HKDC1: variants seen among roughly 807,000 people sequenced by gnomAD.
HKDC1 encodes the protein hexokinase HKDC1.
Under a neutral mutation model 96.6 loss-of-function variants are expected in HKDC1, and 66 were observed. That is an observed-to-expected ratio of 0.68 (90% confidence interval 0.56 to 0.84). The LOEUF (loss-of-function observed/expected upper bound fraction) is 0.84, where lower values mean the gene tolerates loss of function less well. HKDC1 is among the 40% of genes least tolerant of loss of function. The pLI is 0.00. For missense variants in HKDC1, 1,211 were observed against 1,208.1 expected, an observed-to-expected ratio of 1.00 and a Z score of -0.04; for synonymous variants, 466 against 473.1, an observed-to-expected ratio of 0.98 and a Z score of 0.20.
intron 5 of HKDC1, 69 bp from the exon 6 acceptor site, chr10:69,240,583 C>G (rs1843439546): frequency 7.6e-7 from 1 of 1,313,878 alleles, no homozygotes; most frequent in African/African-American, 1.4e-5. Context: ...CCTGCTGCCT[C>G]TGTGGGGAAG....
intron 4 of HKDC1, among the ~76,000 whole-genome samples, chr10:69,234,613 C>T (rs1843333769): frequency 6.6e-6 from 1 of 152,218 alleles, no homozygotes; most frequent in Non-Finnish European, 1.5e-5. Flanking sequence ...TGAGGTGAAG[C>T]TTAGGCAAAG....
At chr10:69,263,211 C>T (rs531873987) in intron 16 of HKDC1, among the ~76,000 whole-genome samples, 1 of 152,230 alleles carries the variant, frequency 6.6e-6, no homozygotes, top group East Asian at 1.9e-4. Context: ...CTCCCCTGCT[C>T]CCATTCCCTG....
intron 16 of HKDC1, among the ~76,000 whole-genome samples, chr10:69,263,273 A>AT (rs925988898): frequency 2.6e-5 from 4 of 151,966 alleles, no homozygotes; most frequent in African/African-American, 9.7e-5. Context: ...TAATTTTTGT[A>AT]TTTTTTATAG....
At chr10:69,253,371 T>C (rs1347092025) in intron 12 of HKDC1, among the ~76,000 whole-genome samples, 1 of 152,178 alleles carries the variant, frequency 6.6e-6, no homozygotes, top group Non-Finnish European at 1.5e-5. Context: ...GGCAGGGACA[T>C]GTCCTTCTGC....
chr10:69,255,209 G>T (rs1843699949), intron 12 of HKDC1, among the ~76,000 whole-genome samples: 1 of 152,224 alleles, frequency 6.6e-6, no homozygotes, highest in Non-Finnish European at 1.5e-5. Context: ...TAAAAGTAAA[G>T]ATACCCATGG....
chr10:69,256,889 G>A, intron 12 of HKDC1, 147 bp from the exon 13 acceptor site: 1 of 660,992 alleles, frequency 1.5e-6, no homozygotes, highest in Non-Finnish European at 2.8e-6. Context: ...TGTGCCCAGG[G>A]TTAGGGTTGT....
intron 12 of HKDC1, among the ~76,000 whole-genome samples, chr10:69,256,424 T>C (rs1029244177): frequency 3.3e-5 from 5 of 152,210 alleles, no homozygotes; most frequent in African/African-American, 1.2e-4. Flanking sequence ...AGTAGGATCA[T>C]GGCCAGATGT....
chr10:69,257,805 G>C (rs1306678780), intron 14 of HKDC1, among the ~76,000 whole-genome samples: 1 of 152,122 alleles, frequency 6.6e-6, no homozygotes, highest in Non-Finnish European at 1.5e-5. Flanking sequence ...CTGGTTCTCA[G>C]GGTGCACAGG....
rs1430230334 is a variant in HKDC1 at position 69,267,203 on chromosome 10, G to C, written c.*446G>C. On this transcript the variant is annotated 3_prime_UTR_variant, in exon 18 of 18. Coordinates refer to ENST00000354624, the MANE Select transcript of HKDC1 (RefSeq NM_025130.4). ...TGTGGATGAACATTGGAGAGCAAGA[G>C]GAACTCACGTTATGAACTAGGGGGA... 3 of 261,680 alleles carry C rather than the reference G, an allele frequency of 1.1e-5. No individual in the cohort carries two copies. Among genetic ancestry groups the C allele is most frequent in the African/African-American group, 6.8e-5 (3 of 43,998 alleles). The allele number at this position is 261,680 out of a possible 1,614,324, so 16.2% of individuals were successfully genotyped here.
In HKDC1 at chr10:69,230,023, G is replaced by C. The variant is rs16926175; in HGVS notation, c.226+2654G>C. On this transcript the variant is annotated intron_variant, in intron 2 of 17. Coordinates refer to ENST00000354624, the MANE Select transcript of HKDC1 (RefSeq NM_025130.4). ...ACTCTCCTAATTCCTTATGGTGTCCGTTTCAGAAATGTATGCAGCTTCCAG... is the reference window on the plus strand; with the variant it reads ...ACTCTCCTAATTCCTTATGGTGTCCCTTTCAGAAATGTATGCAGCTTCCAG... Among the ~76,000 whole-genome samples, 1,250 of 152,276 alleles carry C rather than the reference G, an allele frequency of 8.2e-3. 46 individuals are homozygous for C. In the East Asian group the frequency reaches 0.12, roughly 15 times the overall value.
Position 69,233,189 on chromosome 10 carries a change from C to T in HKDC1, c.495+56C>T, listed in dbSNP as rs10128502. Reference sequence around the variant, plus strand: ...AATTGGGGCTTGGGGAATGTGGGCACGGGTGGGAGTCAGGCTGCACGCAGG... The same window carrying T: ...AATTGGGGCTTGGGGAATGTGGGCATGGGTGGGAGTCAGGCTGCACGCAGG... On this transcript the variant is annotated intron_variant, in intron 4 of 17. Coordinates refer to ENST00000354624, the MANE Select transcript of HKDC1 (RefSeq NM_025130.4). 11,172 of 1,607,118 alleles carry T rather than the reference C, an allele frequency of 7.0e-3. 469 individuals are homozygous for T. The East Asian group carries it at 0.13, about 18-fold the overall frequency.
intron 16 of HKDC1, chr10:69,265,229 C>T (rs887756741): frequency 1.7e-5 from 4 of 235,682 alleles, no homozygotes; most frequent in African/African-American, 9.3e-5. Flanking sequence ...AGCCCCTGCT[C>T]TCTAACGAGA....
At chr10:69,223,024 ATC>A (rs996620936) in intron 1 of HKDC1, 4 of 152,176 alleles carry the variant, frequency 2.6e-5, no homozygotes. Context: ...ATTTCTAAAA[ATC>A]TTCCCATACC....
intron 1 of HKDC1, among the ~76,000 whole-genome samples, chr10:69,224,852 T>G (rs1381574874): frequency 6.6e-6 from 1 of 152,192 alleles, no homozygotes; most frequent in Non-Finnish European, 1.5e-5. Context: ...TTTGTGTGTC[T>G]CTCCAAAAGT....
At position 69,243,178 on chromosome 10, in the gene HKDC1, T is replaced by C. The variant is rs781342263; in HGVS notation, c.692-4T>C. The C allele has an allele frequency of 6.2e-7, 1 of 1,614,164 alleles. No individual in the cohort carries two copies. Among genetic ancestry groups the C allele is most frequent in the Non-Finnish European group, 8.5e-7 (1 of 1,180,010 alleles). On this transcript the variant is annotated splice_region_variant and splice_polypyrimidine_tract_variant and intron_variant, in intron 6 of 17. Transcript: ENST00000354624. ...CTGCATATTCTCTCTGATCCCTGGT[T>C]CAGGAACTGGCACCAATGCGTGTTA...
At chr10:69,257,738 C>A (rs1289341950) in intron 14 of HKDC1, among the ~76,000 whole-genome samples, 2 of 152,066 alleles carry the variant, frequency 1.3e-5, no homozygotes, top group Non-Finnish European at 2.9e-5. Flanking sequence ...GCTGAGGGAG[C>A]TATTATAGAT....
chr10:69,248,279 C>T (rs999377577), intron 9 of HKDC1, 145 bp from the exon 10 acceptor site: 86 of 789,970 alleles, frequency 1.1e-4, no homozygotes, highest in Non-Finnish European at 1.7e-4. Context: ...CTCCTCTCAT[C>T]CCCTCCCCTC....
intron 12 of HKDC1, among the ~76,000 whole-genome samples, chr10:69,255,352 G>A (rs1182339941): frequency 1.3e-5 from 2 of 152,244 alleles, no homozygotes; most frequent in Non-Finnish European, 2.9e-5. Context: ...CCAGCCAGGG[G>A]TCCAGTTTCC....
At chr10:69,249,590 G>A (rs1311630773) in intron 10 of HKDC1, among the ~76,000 whole-genome samples, 2 of 152,196 alleles carry the variant, frequency 1.3e-5, no homozygotes, top group Non-Finnish European at 2.9e-5. Flanking sequence ...CCGCCTCCCA[G>A]GTTCACACCA....
Sources: gnomAD v4.1 joint callset for allele counts (sites outside exome capture counted in the v4.1 genomes callset) on GRCh38, gnomAD v4.1.1 for gene constraint, MANE v1.5 for transcripts, NCBI Gene and HGNC (gene_info 2026-07-23, HGNC 2026-07-21) for gene names.